The following LTBR variants were observed in gnomAD, a reference collection of about 807,000 sequenced individuals.
LTBR encodes lymphotoxin beta receptor.
A neutral mutation model predicts 45.4 loss-of-function variants in LTBR; 15 were observed. The ratio of observed to expected loss-of-function variants is 0.33; its 90% CI spans 0.22 to 0.51. The LOEUF is 0.51. LTBR is among the 20% of genes least tolerant of loss of function. The pLI is 0.97. For missense variants in LTBR, 450 were observed against 565.5 expected (o/e 0.80, Z 2.07); for synonymous variants, 228 against 231.0 (o/e 0.99, Z 0.12).
At chr12:6,378,978 G>T (rs1298427906) in intron 1 of LTBR, among the ~76,000 whole-genome samples, 3 of 152,184 alleles carry the variant, frequency 2.0e-5, no homozygotes, top group African/African-American at 4.8e-5. Context: ...TGGGATGAGG[G>T]TTATGAGTGC....
chr12:6,375,261 G>A (rs533984672), upstream of LTBR: 2 of 1,437,764 alleles, frequency 1.4e-6, no homozygotes, highest in South Asian at 3.0e-5. Context: ...TTTCTGGCCT[G>A]CCTCCTCTCT....
In LTBR at chr12:6,386,011, A is replaced by C; in HGVS notation, c.473-55A>C. 2 of 1,259,328 alleles carry C rather than the reference A, an allele frequency of 1.6e-6. No individual in the cohort carries two copies. Among genetic ancestry groups the C allele is most frequent in the Non-Finnish European group, 2.3e-6 (2 of 858,998 alleles). 78.0% of individuals were successfully genotyped at this position (1,259,328 alleles called of 1,614,324 possible). A position where few individuals can be genotyped will look rare whatever the true frequency, so the allele number is the denominator to read the frequency against. On this transcript the variant is annotated intron_variant, in intron 4 of 9. Transcript: ENST00000228918. This position sits in a 1 kb window ranked among gnomAD's most constrained non-coding sequence, Gnocchi z 4.1. ...CTTAAAGGAAACTCACAGGCCGGCA[A>C]AGGGCCCCTCCCTTTTGCCCATTCA...
chr12:6,377,127 AAGGCAGTACTCC>A, intron 1 of LTBR: 1 of 678,224 alleles, frequency 1.5e-6, no homozygotes, highest in Non-Finnish European at 2.5e-6. Flanking sequence ...AAGAAGAGAA[AAGGCAGTACTCC>A]AGGCTCAGGG....
upstream of LTBR, among the ~76,000 whole-genome samples, chr12:6,379,697 G>A (rs551315309): frequency 8.5e-5 from 13 of 152,084 alleles, no homozygotes; most frequent in South Asian, 1.5e-3. Flanking sequence ...TTGGGAGGCC[G>A]AGGCGGGTGG....
At chr12:6,379,960 C>A (rs11064154), upstream of LTBR, among the ~76,000 whole-genome samples, 3,266 of 135,916 alleles carry the variant, frequency 0.024, 224 homozygotes, top group East Asian at 0.29. Flanking sequence ...AAAAAAAAAA[C>A]AAAAAAAGAA....
rs893019225 is a variant in LTBR at position 6,390,403 on chromosome 12, A to G, written c.1030+63A>G. The G allele has an allele frequency of 5.0e-5, 69 of 1,393,084 alleles. No individual in the cohort carries two copies. The African/African-American group carries it at 8.5e-4, about 17-fold the overall frequency. 86.3% of individuals were successfully genotyped at this position (1,393,084 alleles called of 1,614,324 possible). A position where few individuals can be genotyped will look rare whatever the true frequency, so the allele number is the denominator to read the frequency against. On this transcript the variant is annotated intron_variant, in intron 9 of 9. Transcript: ENST00000228918. The stretch of plus-strand genomic sequence containing the variant: ...AGGGAGGGATGGCTGGCAGGGAGAG[A>G]CTGTGGGCCAGATGAAATAAAAAGA...
At chr12:6,384,137 C>G, upstream of LTBR, 2 of 1,274,418 alleles carry the variant, frequency 1.6e-6, no homozygotes, top group Non-Finnish European at 2.0e-6. Context: ...CGCTCCCTGT[C>G]CCCGCCCCGC....
At chr12:6,379,785 A>T (rs2136922543), upstream of LTBR, among the ~76,000 whole-genome samples, 1 of 150,010 alleles carries the variant, frequency 6.7e-6, no homozygotes, top group Admixed American at 6.7e-5. Context: ...AAAAAAAATT[A>T]GCTGGGCATA....
At chr12:6,379,598 C>T (rs548840842), upstream of LTBR, among the ~76,000 whole-genome samples, 26 of 152,324 alleles carry the variant, frequency 1.7e-4, no homozygotes, top group Non-Finnish European at 2.6e-4. Flanking sequence ...AAAAATGCCA[C>T]TCTTCATCTA....
upstream of LTBR, among the ~76,000 whole-genome samples, chr12:6,381,493 C>G (rs1592095651): frequency 6.6e-6 from 1 of 152,314 alleles, no homozygotes; most frequent in South Asian, 2.1e-4. Flanking sequence ...GGATCAAAAC[C>G]CAGATCTCAG....
rs762069381 is a variant in LTBR, at chr12:6,390,243, C to T, written c.933C>T (p.Ala311=). ...VSPVSTGLPA[A]PVLEAGVPQQ... ...CAGTATCCACTGGGCTCCCCGCAGC[C>T]CCAGTTTTGGAGGCAGGGGTGCCGC... is the stretch of plus-strand genomic sequence containing the variant. Residue 311 remains alanine, a synonymous_variant, in exon 9 of 10, where the codon GCC becomes GCT. Transcript: ENST00000228918. The T allele has an allele frequency of 6.8e-6, 11 of 1,613,958 alleles. No individual in the cohort carries two copies. Among genetic ancestry groups the T allele is most frequent in the Non-Finnish European group, 6.8e-6 (8 of 1,180,016 alleles).
chr12:6,384,284 C>T lies in LTBR; in HGVS notation c.-75C>T. The T allele has an allele frequency of 7.0e-7, 1 of 1,423,612 alleles. No homozygotes were observed. Among genetic ancestry groups the T allele is most frequent in the East Asian group, 2.6e-5 (1 of 38,500 alleles). The allele number at this position is 1,423,612 out of a possible 1,614,324, so 88.2% of individuals were successfully genotyped here. A position where few individuals can be genotyped will look rare whatever the true frequency, so the allele number is the denominator to read the frequency against. On this transcript the variant is annotated 5_prime_UTR_variant, in exon 1 of 10. Transcript: ENST00000228918. ...TCTGGGCTCGGGCAGCCGCCGCCACCGCTGCCCAGGACGTCGGGCCTCCTG... is the reference window on the plus strand; with the variant it reads ...TCTGGGCTCGGGCAGCCGCCGCCACTGCTGCCCAGGACGTCGGGCCTCCTG...
chr12:6,385,422 T>G, intron 4 of LTBR, 43 bp downstream of exon 4: 1 of 1,607,952 alleles, frequency 6.2e-7, no homozygotes, highest in Non-Finnish European at 8.5e-7. Context: ...GGAGGCTGGG[T>G]GCCAGGGATC....
Position 6,386,021 on chromosome 12 carries a change from C to T in LTBR, c.473-45C>T. 7.3e-7 allele frequency: 1 copy of T among 1,377,150 alleles called. No homozygotes were observed. Among genetic ancestry groups the T allele is most frequent in the Non-Finnish European group, 1.0e-6 (1 of 965,138 alleles). 85.3% of individuals were successfully genotyped at this position (1,377,150 alleles called of 1,614,324 possible). ...ACTCACAGGCCGGCAAAGGGCCCCT[C>T]CCTTTTGCCCATTCACCCTGGCTGG... On this transcript the variant is annotated intron_variant, in intron 4 of 9. Transcript: ENST00000228918. This position sits in a 1 kb window ranked among gnomAD's most constrained non-coding sequence, Gnocchi z 4.1.
intron 6 of LTBR, chr12:6,387,763 C>T (rs1251811395): frequency 2.5e-6 from 1 of 401,488 alleles, no homozygotes; most frequent in Non-Finnish European, 5.1e-6. Context: ...GCTGGAGAAG[C>T]CGAACTCCAG....
upstream of LTBR, among the ~76,000 whole-genome samples, chr12:6,381,682 G>T (rs765801036): frequency 1.1e-4 from 17 of 152,214 alleles, no homozygotes; most frequent in Admixed American, 3.3e-4. Flanking sequence ...GTAGTGCAAG[G>T]AACATTCTGG....
At position 6,390,796 on chromosome 12, in the gene LTBR, C is replaced by T. The variant is rs779463497; in HGVS notation, c.1167C>T (p.Pro389=). The T allele has an allele frequency of 8.7e-6, 14 of 1,610,506 alleles. No individual in the cohort carries two copies. Among genetic ancestry groups the T allele is most frequent in the South Asian group, 6.7e-5 (6 of 89,940 alleles). The part of the protein sequence containing the change: ...PATPEPPYPI[P]EEGDPGPPGL... ...CCCCCGAACCTCCATACCCCATTCC[C>T]GAAGAGGGGGACCCTGGCCCTCCCG... Residue 389 remains proline (P), a synonymous_variant, in exon 10 of 10, where the codon CCC becomes CCT. Coordinates refer to ENST00000228918, the MANE Select transcript of LTBR (RefSeq NM_002342.3).
At position 6,388,456 on chromosome 12, in the gene LTBR, CG is replaced by C; in HGVS notation, c.727del (p.Val243SerfsTer32). 6.2e-7 allele frequency: 1 copy of C among 1,614,060 alleles called. No individual in the cohort carries two copies. Among genetic ancestry groups the C allele is most frequent in the Non-Finnish European group, 8.5e-7 (1 of 1,180,030 alleles). On this transcript the variant is annotated frameshift_variant, in exon 7 of 10. Coordinates refer to ENST00000228918, the MANE Select transcript of LTBR (RefSeq NM_002342.3). LOFTEE classifies it high-confidence loss of function. The surrounding 1 kb of genome is among the most constrained non-coding windows in gnomAD (Gnocchi z 4.3). ...TGGCCTTCTTTCTGCTCCTTGCCAC[CG>C]TCTTCTCCTGCATCTGGAAGAGCCA... ...PLAFFLLLAT[V>X]FSCIWKSHPS...
chr12:6,390,978 A>G lies in LTBR; in HGVS notation c.*41A>G. The G allele has an allele frequency of 6.7e-7, 1 of 1,495,894 alleles. No individual in the cohort carries two copies. Among genetic ancestry groups the G allele is most frequent in the Non-Finnish European group, 8.9e-7 (1 of 1,121,820 alleles). The allele number at this position is 1,495,894 out of a possible 1,614,324, so 92.7% of individuals were successfully genotyped here. On this transcript the variant is annotated 3_prime_UTR_variant, in exon 10 of 10. Coordinates refer to ENST00000228918, the MANE Select transcript of LTBR (RefSeq NM_002342.3). ...GGCAGAAGAAGGGGGGCACAAGGGC[A>G]CCTTCTCCCTTGAGGCTGCCCTGCC... is the stretch of plus-strand genomic sequence containing the variant.
Sources: gnomAD v4.1 joint callset for allele counts (sites outside exome capture counted in the v4.1 genomes callset) on GRCh38, gnomAD v4.1.1 for gene constraint, Gnocchi (gnomAD v3.1) non-coding constraint, MANE v1.5 for transcripts, NCBI Gene and HGNC (gene_info 2026-07-23, HGNC 2026-07-21) for gene names.